Variants in IQSEC1 observed in about 807,000 individuals in gnomAD.
The protein encoded by IQSEC1 is IQ motif and Sec7 domain ArfGEF 1.
A neutral mutation model predicts 91.0 loss-of-function variants in IQSEC1; 31 were observed. That is an observed-to-expected ratio of 0.34 (90% CI 0.26 to 0.46). IQSEC1 has a LOEUF of 0.46. IQSEC1 is among the 20% of genes least tolerant of loss of function. The pLI, the probability that IQSEC1 is intolerant of heterozygous loss-of-function variation, is 1.00. For synonymous variants in IQSEC1, 699 were observed against 662.6 expected, an observed-to-expected ratio of 1.05 and a Z score of -0.84; for missense variants, 1,388 against 1,575.6, an observed-to-expected ratio of 0.88 and a Z score of 2.02.
rs1465549536 is a variant in IQSEC1, at chr3:12,924,362, T to C, written c.1730+219A>G. Among the ~76,000 whole-genome samples, 1 of 152,022 alleles carries C rather than the reference T, an allele frequency of 6.6e-6. No individual in the cohort carries two copies. Among genetic ancestry groups the C allele is most frequent in the East Asian group, 1.9e-4 (1 of 5,180 alleles). On this transcript the variant is annotated intron_variant, in intron 4 of 13. Transcript: ENST00000613206. The surrounding 1 kb of genome is among the most constrained non-coding windows in gnomAD (Gnocchi z 6.3). ...GGGCGGACAGGCAGTGGGGTTCGCATGTGGGATGGTGCATTGGAGGGCAGG... is the reference window on the plus strand; with the variant it reads ...GGGCGGACAGGCAGTGGGGTTCGCACGTGGGATGGTGCATTGGAGGGCAGG...
chr3:13,117,115 G>T (rs916812877), intron 2 of IQSEC1, among the ~76,000 whole-genome samples: 3 of 151,052 alleles, frequency 2.0e-5, no homozygotes, highest in Non-Finnish European at 4.4e-5. Context: ...AGGATATAAA[G>T]AAGTGTCACA....
intron 1 of IQSEC1, among the ~76,000 whole-genome samples, chr3:13,267,339 T>G (rs1475900845): frequency 6.6e-6 from 1 of 152,208 alleles, no homozygotes; most frequent in Non-Finnish European, 1.5e-5. Flanking sequence ...TTATGGCATT[T>G]GTTATGGCAG....
intron 1 of IQSEC1, among the ~76,000 whole-genome samples, chr3:12,976,619 C>A (rs1701188401): frequency 6.6e-6 from 1 of 151,594 alleles, no homozygotes; most frequent in Non-Finnish European, 1.5e-5. Context: ...CGTCCACATT[C>A]TCTCTGTCTC....
intron 1 of IQSEC1, among the ~76,000 whole-genome samples, chr3:13,054,337 T>C (rs1704800309): frequency 2.6e-5 from 4 of 152,210 alleles, no homozygotes; most frequent in African/African-American, 9.6e-5. Context: ...ACTGTGAGTG[T>C]TGGACCATTC....
chr3:12,922,148 T>C lies in IQSEC1; in HGVS notation c.1825A>G (p.Lys609Glu). 1 of 1,609,782 alleles carries C rather than the reference T, an allele frequency of 6.2e-7. No individual in the cohort carries two copies. Among genetic ancestry groups the C allele is most frequent in the Non-Finnish European group, 8.5e-7 (1 of 1,177,102 alleles). The change falls in exon 5 of 14, where the codon AAA becomes GAA. Residue 609 changes from lysine (K) to glutamate (E), a missense_variant. Lys to Glu is a moderately conservative substitution (Grantham distance 56, BLOSUM62 1). This residue lies in a region of IQSEC1 where 1,059 missense variants were observed against 1,317.8 expected (regional missense o/e 0.80). Coordinates refer to ENST00000613206, the MANE Select transcript of IQSEC1 (RefSeq NM_001134382.3). The surrounding 1 kb of genome is among the most constrained non-coding windows in gnomAD (Gnocchi z 5.1). Reference sequence around the variant, plus strand: ...AACGCCTCTATGAGCCGCTCCACTTTCTGAGCCTCCCCTTGGACACGGATG... The same window carrying C: ...AACGCCTCTATGAGCCGCTCCACTTCCTGAGCCTCCCCTTGGACACGGATG... The part of the protein sequence containing the change: ...AHIRVQGEAQ[K>E]VERLIEAFSQ...
intron 12 of IQSEC1, among the ~76,000 whole-genome samples, chr3:12,904,503 G>A (rs1575844538): frequency 6.6e-6 from 1 of 152,210 alleles, no homozygotes; most frequent in Admixed American, 6.5e-5. Flanking sequence ...TGGGAAGAAG[G>A]GCTGACCTTT....
At chr3:12,939,452 G>T (rs1236585954) in intron 2 of IQSEC1, among the ~76,000 whole-genome samples, 1 of 152,238 alleles carries the variant, frequency 6.6e-6, no homozygotes, top group Non-Finnish European at 1.5e-5. Flanking sequence ...GAGCACAGGA[G>T]ACTAGCCCTT....
intron 1 of IQSEC1, among the ~76,000 whole-genome samples, chr3:13,220,905 G>A (rs1469010702): frequency 1.3e-5 from 2 of 152,218 alleles, no homozygotes; most frequent in Non-Finnish European, 2.9e-5. Context: ...ACAGCTACCA[G>A]CCACCGGGCC....
intron 1 of IQSEC1, among the ~76,000 whole-genome samples, chr3:13,230,827 G>A (rs577545647): frequency 1.6e-4 from 24 of 152,360 alleles, no homozygotes; most frequent in African/African-American, 5.5e-4. Context: ...AGACCATGGT[G>A]TTGGCTATTG....
Position 12,908,252 on chromosome 3 carries a change from A to G in IQSEC1, c.2755+97T>C. 5.3e-6 allele frequency: 7 copies of G among 1,315,186 alleles called. No homozygotes were observed. The highest frequency in any genetic ancestry group is 2.7e-4 in the Middle Eastern group (1 of 3,720). The allele number at this position is 1,315,186 out of a possible 1,614,324, so 81.5% of individuals were successfully genotyped here. On this transcript the variant is annotated intron_variant, in intron 12 of 13. Coordinates refer to ENST00000613206, the MANE Select transcript of IQSEC1 (RefSeq NM_001134382.3). The surrounding 1 kb of genome is among the most constrained non-coding windows in gnomAD (Gnocchi z 4.9). ...GGAAATGCCGCACTGGCTTCGCCGC[A>G]GGCCCTGCCCCGCGTGATGCATGCC...
rs140886495 is a variant in IQSEC1 at position 12,983,873 on chromosome 3, ATG to A, written c.24-42010_24-42009del. ...TGGATGAAATGAATATGCCCAGCTC[ATG>A]TATGTCCCTGTCCCCAAATCCACAT... On this transcript the variant is annotated intron_variant, in intron 1 of 13. Coordinates refer to ENST00000613206, the MANE Select transcript of IQSEC1 (RefSeq NM_001134382.3). This position sits in a 1 kb window ranked among gnomAD's most constrained non-coding sequence, Gnocchi z 4.3. Among the ~76,000 whole-genome samples the A allele has an allele frequency of 0.018, 2,735 of 152,304 alleles. 85 individuals are homozygous for A. Among genetic ancestry groups the A allele is most frequent in the African/African-American group, 0.063 (2,614 of 41,560 alleles).
At chr3:13,213,427 T>C (rs181328627) in intron 1 of IQSEC1, among the ~76,000 whole-genome samples, 21 of 152,354 alleles carry the variant, frequency 1.4e-4, no homozygotes, top group Admixed American at 5.9e-4. Context: ...TGTTGGTTTA[T>C]AGTAACTTGG....
upstream of IQSEC1, among the ~76,000 whole-genome samples, chr3:13,074,305 G>A (rs376266897): frequency 3.3e-5 from 5 of 151,730 alleles, no homozygotes; most frequent in East Asian, 7.8e-4. Flanking sequence ...TGAGGCGGAA[G>A]GCAGCCTGGT....
At chr3:13,108,205 C>A (rs61086270) in intron 2 of IQSEC1, among the ~76,000 whole-genome samples, 13,130 of 152,154 alleles carry the variant, frequency 0.086, 603 homozygotes, top group Middle Eastern at 0.15. Flanking sequence ...ACATTCTTTC[C>A]CCTCATTTTT....
At chr3:13,263,787 C>T (rs1361083724) in intron 1 of IQSEC1, among the ~76,000 whole-genome samples, 4 of 152,140 alleles carry the variant, frequency 2.6e-5, no homozygotes, top group Non-Finnish European at 5.9e-5. Context: ...GTGCCCCGTC[C>T]CTGCCAGCCT....
chr3:13,073,180 GC>G lies in IQSEC1; in HGVS notation c.-167del. The G allele has an allele frequency of 8.1e-6, 6 of 743,220 alleles. No individual in the cohort carries two copies. The highest frequency in any genetic ancestry group is 1.1e-5 in the Non-Finnish European group (5 of 451,328). 46.0% of individuals were successfully genotyped at this position (743,220 alleles called of 1,614,324 possible). A position where few individuals can be genotyped will look rare whatever the true frequency, so the allele number is the denominator to read the frequency against. ...GGCGGGCTCCTCCAGGGAGGCTGGGGCGGGAGCGGGGGGCGGCGCCAGCAGC... is the reference window on the plus strand; with the variant it reads ...GGCGGGCTCCTCCAGGGAGGCTGGGGGGGAGCGGGGGGCGGCGCCAGCAGC... On this transcript the variant is annotated 5_prime_UTR_variant, in exon 1 of 14. Transcript: ENST00000613206.
At chr3:13,131,381 T>A (rs1205852501) in intron 2 of IQSEC1, among the ~76,000 whole-genome samples, 1 of 149,462 alleles carries the variant, frequency 6.7e-6, no homozygotes. Flanking sequence ...GGTTCTTACT[T>A]AAAAAAAAAA....
chr3:13,034,970 G>C (rs549207134), intron 1 of IQSEC1, among the ~76,000 whole-genome samples: 1 of 152,386 alleles, frequency 6.6e-6, no homozygotes, highest in South Asian at 2.1e-4. Flanking sequence ...GAATTCAGAA[G>C]CCTGTGCCCC....
rs376950315 is a variant in IQSEC1, at chr3:13,280,278, A to C, written c.272+2433T>G. Among the ~76,000 whole-genome samples, 22 of 152,310 alleles carry C rather than the reference A, an allele frequency of 1.4e-4. No homozygotes were observed. In the South Asian group the frequency reaches 4.3e-3, roughly 30 times the overall value. The stretch of plus-strand genomic sequence containing the variant: ...CATTCTTCCTCTTATGTTTCCAAGC[A>C]CATTGATAATGAGTCTGCATACAGC... On this transcript the variant is annotated intron_variant, in intron 1 of 15. Transcript: ENST00000648114.
Sources: allele counts gnomAD v4.1 joint callset (sites outside exome capture counted in the v4.1 genomes callset), GRCh38; gene constraint gnomAD v4.1.1; regional missense constraint gnomAD v4.1.1; non-coding constraint Gnocchi (gnomAD v3.1); transcripts MANE v1.5; gene names NCBI Gene and HGNC (gene_info 2026-07-23, HGNC 2026-07-21).